TOM1L2: variants seen among roughly 807,000 people sequenced by gnomAD.
TOM1L2 encodes the protein TOM1-like protein 2.
In TOM1L2, 31 loss-of-function variants were observed where a neutral mutation model predicts 67.9. The observed-to-expected ratio is 0.46, with a 90% CI of 0.34 to 0.62. The LOEUF (loss-of-function observed/expected upper bound fraction) is 0.62. Among genes scored for constraint, TOM1L2 ranks in the 20% least tolerant of loss-of-function variants. The pLI, the probability that TOM1L2 is intolerant of heterozygous loss-of-function variation, is 0.01. For missense variants in TOM1L2, 606 were observed against 663.5 expected (o/e 0.91, Z 0.95); for synonymous variants, 256 against 254.0 (o/e 1.01, Z -0.07).
chr17:17,955,144 T>C (rs1357900646), intron 1 of TOM1L2, among the ~76,000 whole-genome samples: 2 of 152,118 alleles, frequency 1.3e-5, no homozygotes, highest in African/African-American at 4.8e-5. Context: ...AGCTGACAAG[T>C]GAGAAGACTG....
intron 1 of TOM1L2, among the ~76,000 whole-genome samples, chr17:17,962,299 A>G (rs1597475432): frequency 1.3e-5 from 2 of 149,822 alleles, no homozygotes; most frequent in Admixed American, 6.7e-5. Flanking sequence ...AGAGTTGTAG[A>G]GATGGCCAGT....
intron 4 of TOM1L2, among the ~76,000 whole-genome samples, chr17:17,885,786 G>A (rs901240744): frequency 2.6e-5 from 4 of 151,838 alleles, no homozygotes; most frequent in Non-Finnish European, 4.4e-5. Context: ...TTAGCTGGGC[G>A]TGGTGGCGGG....
intron 1 of TOM1L2, among the ~76,000 whole-genome samples, chr17:17,943,458 TAAC>T (rs1044617236): frequency 3.5e-4 from 53 of 152,092 alleles, no homozygotes; most frequent in African/African-American, 1.2e-3. Context: ...CTCAGCAAGG[TAAC>T]AACACTTGGG....
At chr17:17,881,584 A>G (rs2037726016) in intron 6 of TOM1L2, among the ~76,000 whole-genome samples, 1 of 152,170 alleles carries the variant, frequency 6.6e-6, no homozygotes, top group African/African-American at 2.4e-5. Flanking sequence ...TCTTTCCCAC[A>G]GCACTTGGGT....
intron 1 of TOM1L2, among the ~76,000 whole-genome samples, chr17:17,915,747 C>T (rs1328774747): frequency 1.3e-5 from 2 of 152,012 alleles, no homozygotes; most frequent in Admixed American, 1.3e-4. Flanking sequence ...ATCTTGAACG[C>T]CTGGCCTCAA....
chr17:17,880,490 C>T (rs1260348505), intron 6 of TOM1L2, among the ~76,000 whole-genome samples: 2 of 152,228 alleles, frequency 1.3e-5, no homozygotes, highest in African/African-American at 4.8e-5. Flanking sequence ...CCCCTTCACT[C>T]CCTCAACCCC....
intron 2 of TOM1L2, among the ~76,000 whole-genome samples, chr17:17,903,406 G>A (rs974278146): frequency 7.2e-5 from 11 of 152,042 alleles, no homozygotes; most frequent in Admixed American, 5.9e-4. Context: ...GGCGGATCAC[G>A]AGGTAAGGGG....
At chr17:17,883,395 T>G (rs1056953693) in intron 5 of TOM1L2, among the ~76,000 whole-genome samples, 1 of 152,224 alleles carries the variant, frequency 6.6e-6, no homozygotes, top group Non-Finnish European at 1.5e-5. Flanking sequence ...TCACAAAGCA[T>G]AGCGCGTGGT....
chr17:17,899,347 C>A (rs1457297693), intron 2 of TOM1L2, among the ~76,000 whole-genome samples: 1 of 152,164 alleles, frequency 6.6e-6, no homozygotes, highest in Non-Finnish European at 1.5e-5. Context: ...CTCCTTAAAA[C>A]CCAACAAGTT....
At chr17:17,944,645 CTA>C (rs1217995284) in intron 1 of TOM1L2, among the ~76,000 whole-genome samples, 1 of 152,230 alleles carries the variant, frequency 6.6e-6, no homozygotes, top group Non-Finnish European at 1.5e-5. Context: ...TTGTGAAAAT[CTA>C]TGAGCTAACA....
intron 11 of TOM1L2, 26 bp from the exon 12 acceptor site, chr17:17,861,577 A>C (rs972181292): frequency 6.2e-7 from 1 of 1,611,414 alleles, no homozygotes; most frequent in Admixed American, 1.7e-5. Context: ...CAGCACAAGC[A>C]GAGTTCATTT....
At chr17:17,952,834 G>T (rs1291955270) in intron 1 of TOM1L2, among the ~76,000 whole-genome samples, 1 of 152,202 alleles carries the variant, frequency 6.6e-6, no homozygotes, top group African/African-American at 2.4e-5. Flanking sequence ...GAACACTGGA[G>T]TAAGAAGCAA....
intron 2 of TOM1L2, 106 bp from the exon 3 acceptor site, chr17:17,898,780 C>G: frequency 9.0e-7 from 1 of 1,116,982 alleles, no homozygotes. Flanking sequence ...CTGGCTGCAG[C>G]ATGTTTGTAA....
chr17:17,865,269 ACAAT>A lies in TOM1L2; in HGVS notation c.1084+1023_1084+1026del, dbSNP rs561518445. On this transcript the variant is annotated intron_variant, in intron 10 of 14. Transcript: ENST00000379504. ...GTTTCCAAGCCCTCTGTAGATATTG[ACAAT>A]CAATCAATCACAGACTTTTCTAAGC... 5.8e-4 allele frequency among the ~76,000 whole-genome samples: 88 copies of A among 152,358 alleles called. 1 individual carries two copies. The highest frequency in any genetic ancestry group is 1.1e-3 in the Non-Finnish European group (73 of 68,034).
At chr17:17,935,934 A>C (rs1158747592) in intron 1 of TOM1L2, among the ~76,000 whole-genome samples, 1 of 152,242 alleles carries the variant, frequency 6.6e-6, no homozygotes, top group Non-Finnish European at 1.5e-5. Flanking sequence ...GGTCTCCCAG[A>C]AGGGAGGTCT....
chr17:17,886,451 T>C (rs1333107267), intron 4 of TOM1L2, among the ~76,000 whole-genome samples: 1 of 152,190 alleles, frequency 6.6e-6, no homozygotes, highest in Non-Finnish European at 1.5e-5. Flanking sequence ...CCGTAGGGAG[T>C]GCCTCTGGCC....
chr17:17,949,706 G>C (rs2041104220), intron 1 of TOM1L2, among the ~76,000 whole-genome samples: 1 of 152,194 alleles, frequency 6.6e-6, no homozygotes. Context: ...CAGAAGGCTG[G>C]TGGTGTGTCC....
intron 3 of TOM1L2, among the ~76,000 whole-genome samples, chr17:17,895,176 A>G (rs887622709): frequency 1.1e-4 from 16 of 152,200 alleles, no homozygotes; most frequent in African/African-American, 3.6e-4. Flanking sequence ...GAGTGCTCTG[A>G]ACTTCCCAGC....
At chr17:17,962,163 A>G (rs1049311521) in intron 1 of TOM1L2, among the ~76,000 whole-genome samples, 1 of 152,218 alleles carries the variant, frequency 6.6e-6, no homozygotes. Flanking sequence ...CATAATAAAT[A>G]TATGATTCCA....
Sources: allele counts gnomAD v4.1 joint callset (sites outside exome capture counted in the v4.1 genomes callset), GRCh38; gene constraint gnomAD v4.1.1; transcripts MANE v1.5; gene names NCBI Gene and HGNC (gene_info 2026-07-23, HGNC 2026-07-21).